Variants in SPAG16 observed in about 807,000 individuals in gnomAD.
The protein encoded by SPAG16 is sperm associated antigen 16.
Under a neutral mutation model 80.4 loss-of-function variants are expected in SPAG16, and 86 were observed. That is an observed-to-expected ratio of 1.07 (90% CI 0.90 to 1.28). The LOEUF (loss-of-function observed/expected upper bound fraction) is 1.28. Among genes scored for constraint, SPAG16 ranks in the 50% most tolerant of loss-of-function variants. SPAG16 has a pLI of 0.00. For synonymous variants in SPAG16, 294 were observed against 265.9 expected (o/e 1.11, Z -1.03); for missense variants, 870 against 765.3 (o/e 1.14, Z -1.61).
intron 14 of SPAG16, among the ~76,000 whole-genome samples, chr2:214,133,866 T>C (rs2054910769): frequency 1.3e-5 from 2 of 152,130 alleles, no homozygotes; most frequent in African/African-American, 4.8e-5. Context: ...GTTTGGATCC[T>C]TTTGTTGAAA....
At chr2:213,761,301 A>C (rs1249000590) in intron 10 of SPAG16, among the ~76,000 whole-genome samples, 1 of 152,190 alleles carries the variant, frequency 6.6e-6, no homozygotes, top group Non-Finnish European at 1.5e-5. Flanking sequence ...TATAGCTATA[A>C]GTTCTTAAAG....
At chr2:213,704,172 A>G (rs1298275293) in intron 10 of SPAG16, among the ~76,000 whole-genome samples, 1 of 152,212 alleles carries the variant, frequency 6.6e-6, no homozygotes, top group Non-Finnish European at 1.5e-5. Flanking sequence ...CCATATAACA[A>G]TATAACATAC....
intron 9 of SPAG16, among the ~76,000 whole-genome samples, chr2:213,448,519 G>A (rs2071486928): frequency 6.6e-6 from 1 of 152,098 alleles, no homozygotes; most frequent in African/African-American, 2.4e-5. Flanking sequence ...TGTTTTTAGT[G>A]TGCCGTACCA....
At chr2:214,384,989 A>T (rs887847720) in intron 15 of SPAG16, among the ~76,000 whole-genome samples, 1 of 152,222 alleles carries the variant, frequency 6.6e-6, no homozygotes, top group Non-Finnish European at 1.5e-5. Context: ...TTCACCATTG[A>T]CAACCAGAGA....
chr2:214,163,442 A>G (rs1011878894), intron 15 of SPAG16, among the ~76,000 whole-genome samples: 2 of 151,760 alleles, frequency 1.3e-5, no homozygotes, highest in Non-Finnish European at 2.9e-5. Flanking sequence ...CTACATCAGT[A>G]TGCTTGCTTA....
At chr2:214,380,029 A>ATTCT (rs923674268) in intron 15 of SPAG16, among the ~76,000 whole-genome samples, 66 of 152,244 alleles carry the variant, frequency 4.3e-4, no homozygotes, top group African/African-American at 1.6e-3. Context: ...TACACACTGC[A>ATTCT]TTCTTAGTTC....
At chr2:213,975,735 T>C (rs1002031492) in intron 12 of SPAG16, among the ~76,000 whole-genome samples, 1 of 151,946 alleles carries the variant, frequency 6.6e-6, no homozygotes, top group Non-Finnish European at 1.5e-5. Flanking sequence ...CTCTGGAATG[T>C]CTAAGAAATA....
chr2:214,391,184 C>T (rs1421249176), intron 15 of SPAG16, among the ~76,000 whole-genome samples: 1 of 152,076 alleles, frequency 6.6e-6, no homozygotes, highest in Non-Finnish European at 1.5e-5. Flanking sequence ...TTATATGATA[C>T]AAGGCAACTT....
rs896303156 is a variant in SPAG16 at position 213,601,706 on chromosome 2, G to C, written c.1070+111616G>C. On this transcript the variant is annotated intron_variant, in intron 10 of 15. Coordinates refer to ENST00000331683, the MANE Select transcript of SPAG16 (RefSeq NM_024532.5). ...TAATATTGCAACATCATATTTTACT[G>C]TACCTTTTCTATGTTTAAATGTTTA... 5.9e-5 allele frequency among the ~76,000 whole-genome samples: 9 copies of C among 152,270 alleles called. No homozygotes were observed. The East Asian group carries it at 1.7e-3, about 29-fold the overall frequency.
At chr2:213,777,709 GT>G in intron 10 of SPAG16, among the ~76,000 whole-genome samples, 1 of 152,126 alleles carries the variant, frequency 6.6e-6, no homozygotes, top group Non-Finnish European at 1.5e-5. Context: ...ACTAATTTTT[GT>G]ATTTTTAGGA....
At chr2:213,908,751 T>A (rs1019625973) in intron 11 of SPAG16, among the ~76,000 whole-genome samples, 1 of 113,472 alleles carries the variant, frequency 8.8e-6, no homozygotes, top group African/African-American at 2.8e-5. Flanking sequence ...GATCATTCTT[T>A]TTTTTTGTCT....
intron 11 of SPAG16, among the ~76,000 whole-genome samples, chr2:213,922,053 A>G (rs1257827339): frequency 1.3e-5 from 2 of 152,130 alleles, no homozygotes; most frequent in African/African-American, 4.8e-5. Flanking sequence ...CATTTCATGG[A>G]TTTGAATGTT....
At chr2:213,396,646 T>C (rs2068047904) in intron 9 of SPAG16, 1 of 456,406 alleles carries the variant, frequency 2.2e-6, no homozygotes, top group Non-Finnish European at 4.4e-6. Flanking sequence ...CAGGACACTA[T>C]TGGCAGGAGA....
At chr2:213,883,754 C>T (rs967392738) in intron 11 of SPAG16, among the ~76,000 whole-genome samples, 14 of 152,178 alleles carry the variant, frequency 9.2e-5, no homozygotes, top group Non-Finnish European at 2.1e-4. Flanking sequence ...CACCCTTTAT[C>T]ATTATGTAAT....
intron 15 of SPAG16, among the ~76,000 whole-genome samples, chr2:214,360,994 TG>T (rs1559242511): frequency 6.6e-6 from 1 of 151,788 alleles, no homozygotes; most frequent in Admixed American, 6.6e-5. Context: ...GGACTCTGAG[TG>T]TAGTGTCAAC....
At chr2:214,128,186 G>A (rs1177562153) in intron 14 of SPAG16, among the ~76,000 whole-genome samples, 2 of 151,766 alleles carry the variant, frequency 1.3e-5, no homozygotes, top group Non-Finnish European at 2.9e-5. Flanking sequence ...ACGGGCAGGG[G>A]GAAAACCTCT....
chr2:213,284,549 T>G lies in SPAG16; in HGVS notation c.66T>G (p.Gly22=). The change falls in exon 1 of 16, where the codon GGT becomes GGG. Residue 22 remains glycine (G), a synonymous_variant. Transcript: ENST00000331683. Reference sequence around the variant, plus strand: ...TCCTGGAAGAGGCGTTGGGCATGGGTTTGACGGCAGCCGGGGACGCGAGGG... The same window carrying G: ...TCCTGGAAGAGGCGTTGGGCATGGGGTTGACGGCAGCCGGGGACGCGAGGG... The part of the protein sequence containing the change: ...VRVLEEALGM[G]LTAAGDARDT... 1.2e-6 allele frequency: 2 copies of G among 1,605,018 alleles called. No homozygotes were observed. The highest frequency in any genetic ancestry group is 8.5e-7 in the Non-Finnish European group (1 of 1,176,084).
At chr2:213,838,199 CCTCAGTCTGTT>C (rs2074192901) in intron 10 of SPAG16, among the ~76,000 whole-genome samples, 1 of 151,760 alleles carries the variant, frequency 6.6e-6, no homozygotes, top group African/African-American at 2.4e-5. Flanking sequence ...TGAGACAGAG[CCTCAGTCTGTT>C]GCCCAGGCTG....
chr2:214,262,074 AGACT>A (rs1258447939), intron 15 of SPAG16, among the ~76,000 whole-genome samples: 4 of 152,176 alleles, frequency 2.6e-5, no homozygotes, highest in African/African-American at 9.6e-5. Flanking sequence ...ATATATAATT[AGACT>A]ATCTATCTGA....
Sources: gnomAD v4.1 joint callset for allele counts (sites outside exome capture counted in the v4.1 genomes callset) on GRCh38, gnomAD v4.1.1 for gene constraint, MANE v1.5 for transcripts, NCBI Gene and HGNC (gene_info 2026-07-23, HGNC 2026-07-21) for gene names.